ADNP: variants seen among roughly 807,000 people sequenced by gnomAD.
ADNP encodes activity dependent neuroprotector homeobox.
Under a neutral mutation model 84.9 loss-of-function variants are expected in ADNP, and 4 were observed. The observed-to-expected ratio is 0.05, with a 90% confidence interval of 0.02 to 0.11. The LOEUF is 0.11. ADNP is among the 10% of genes least tolerant of loss of function. The pLI, the probability that ADNP is intolerant of heterozygous loss-of-function variation, is 1.00. For synonymous variants in ADNP, 554 were observed against 468.1 expected (o/e 1.18, Z -2.37); for missense variants, 1,132 against 1,326.0 (o/e 0.85, Z 2.27).
chr20:50,905,887 C>T (rs763945019), intron 2 of ADNP, among the ~76,000 whole-genome samples: 47 of 152,086 alleles, frequency 3.1e-4, no homozygotes, highest in Non-Finnish European at 6.5e-4. Context: ...GGCTTAAAAC[C>T]AGCAAATTCT....
chr20:50,925,261 T>TACACAC (rs1292426786), intron 2 of ADNP, among the ~76,000 whole-genome samples: 6 of 82,606 alleles, frequency 7.3e-5, no homozygotes, highest in African/African-American at 3.6e-4. Flanking sequence ...TGTGACTTCC[T>TACACAC]ATACACACAC....
rs920983850 is a variant in ADNP at position 50,890,150 on chromosome 20, A to C, written c.*1255T>G. ...TTCAGTTAAAAAAAAAAAAAAAAAA[A>C]AAAAAAAAAAAGAAAAACAGATTTT... On this transcript the variant is annotated 3_prime_UTR_variant, in exon 6 of 6. Coordinates refer to ENST00000621696, the MANE Select transcript of ADNP (RefSeq NM_001282531.3). 9.9e-5 allele frequency: 26 copies of C among 261,708 alleles called. 2 individuals are homozygous for C. Among genetic ancestry groups the C allele is most frequent in the East Asian group, 7.3e-4 (12 of 16,456 alleles). 16.2% of individuals were successfully genotyped at this position (261,708 alleles called of 1,614,324 possible).
intron 2 of ADNP, among the ~76,000 whole-genome samples, chr20:50,925,942 A>G (rs1984261853): frequency 6.6e-6 from 1 of 152,238 alleles, no homozygotes; most frequent in African/African-American, 2.4e-5. Flanking sequence ...CTCTACTAAA[A>G]ATACAAAAAT....
At chr20:50,911,838 C>T (rs1983069940) in intron 2 of ADNP, among the ~76,000 whole-genome samples, 1 of 151,784 alleles carries the variant, frequency 6.6e-6, no homozygotes. Context: ...CACAGATAAG[C>T]CAGAAGAAAA....
In ADNP at chr20:50,925,771, G is replaced by T. The variant is rs568334503; in HGVS notation, c.-90+2880C>A. Among the ~76,000 whole-genome samples the T allele has an allele frequency of 2.6e-5, 4 of 152,142 alleles. No homozygotes were observed. In the East Asian group the frequency reaches 5.8e-4, roughly 22 times the overall value. On this transcript the variant is annotated intron_variant, in intron 2 of 5. Transcript: ENST00000621696. ...GCAGTGAGGTACATCAGCAAAATAC[G>T]GCATTTACTCCAGTTACTATCACAA...
At chr20:50,897,097 C>A (rs931087061) in intron 5 of ADNP, among the ~76,000 whole-genome samples, 2 of 152,142 alleles carry the variant, frequency 1.3e-5, no homozygotes, top group African/African-American at 2.4e-5. Flanking sequence ...CACCACCACG[C>A]CCGGCTAATT....
At chr20:50,921,914 C>T (rs975370918) in intron 2 of ADNP, among the ~76,000 whole-genome samples, 5 of 152,024 alleles carry the variant, frequency 3.3e-5, no homozygotes, top group African/African-American at 1.2e-4. Flanking sequence ...GGAGCACTTC[C>T]CAGTTTACTT....
chr20:50,891,560 C>CA lies in ADNP; in HGVS notation c.3153dup (p.Glu1052Ter). On this transcript the variant is annotated frameshift_variant, in exon 6 of 6. Coordinates refer to ENST00000621696, the MANE Select transcript of ADNP (RefSeq NM_001282531.3). LOFTEE classifies it high-confidence loss of function. The stretch of plus-strand genomic sequence containing the variant: ...GGGTTAGATAAGCGCTCATCATTCT[C>CA]AGATGCATTCTTCCACTGTGACTGG... 6.2e-7 allele frequency: 1 copy of CA among 1,612,476 alleles called. No individual in the cohort carries two copies. The highest frequency in any genetic ancestry group is 8.5e-7 in the Non-Finnish European group (1 of 1,180,032).
intron 2 of ADNP, chr20:50,914,107 G>T: frequency 1.3e-6 from 1 of 755,396 alleles, no homozygotes; most frequent in Non-Finnish European, 2.4e-6. Context: ...GTTACTAGAA[G>T]GTGGGGCTAA....
At chr20:50,916,976 A>G (rs986047401) in intron 2 of ADNP, among the ~76,000 whole-genome samples, 1 of 152,204 alleles carries the variant, frequency 6.6e-6, no homozygotes, top group Non-Finnish European at 1.5e-5. Flanking sequence ...GTTATGAAAA[A>G]GCAGCACTCT....
At chr20:50,895,761 T>G (rs916391269) in intron 5 of ADNP, among the ~76,000 whole-genome samples, 4 of 152,200 alleles carry the variant, frequency 2.6e-5, no homozygotes, top group Non-Finnish European at 5.9e-5. Flanking sequence ...CTTGAACTCC[T>G]GGGCTCGAGC....
At chr20:50,909,689 G>A (rs74485052) in intron 2 of ADNP, 10,852 of 152,236 alleles carry the variant, frequency 0.071, 591 homozygotes, top group Non-Finnish European at 0.11. Flanking sequence ...TGCCTGCCCA[G>A]CCTCCTCTTG....
intron 2 of ADNP, among the ~76,000 whole-genome samples, chr20:50,926,771 T>C (rs928621712): frequency 6.6e-6 from 1 of 152,230 alleles, no homozygotes; most frequent in Non-Finnish European, 1.5e-5. Flanking sequence ...GTTACTTATA[T>C]ATGATTCTCA....
In ADNP at chr20:50,892,051, T is replaced by C. The variant is rs769505609; in HGVS notation, c.2663A>G (p.Glu888Gly). ...AACAGGGTCAAAAGGGCTACCACTT[T>C]CATTGGATTCTTCTTCCAAATTTTC... ...SFENLEEESN[E>G]SGSPFDPVFE... Residue 888 changes from glutamate to glycine, a missense_variant, in exon 6 of 6, where the codon GAA becomes GGA. Transcript: ENST00000621696. 6.2e-7 allele frequency: 1 copy of C among 1,614,198 alleles called. No homozygotes were observed. Among genetic ancestry groups the C allele is most frequent in the South Asian group, 1.1e-5 (1 of 91,080 alleles).
Position 50,889,220 on chromosome 20 carries a change from C to A in ADNP, c.*2185G>T, listed in dbSNP as rs762740924. 1 of 152,238 alleles carries A rather than the reference C, an allele frequency of 6.6e-6. No homozygotes were observed. The highest frequency in any genetic ancestry group is 1.5e-5 in the Non-Finnish European group (1 of 68,058). 9.4% of individuals were successfully genotyped at this position (152,238 alleles called of 1,614,324 possible). The stretch of plus-strand genomic sequence containing the variant: ...TATCTGTGTCTGTTCCGATATCCAA[C>A]TGGGACCTGGACCCCAAGCCCCGTG... On this transcript the variant is annotated 3_prime_UTR_variant, in exon 6 of 6. Coordinates refer to ENST00000621696, the MANE Select transcript of ADNP (RefSeq NM_001282531.3).
intron 2 of ADNP, among the ~76,000 whole-genome samples, chr20:50,913,006 G>A (rs956603104): frequency 1.8e-4 from 27 of 151,840 alleles, no homozygotes; most frequent in African/African-American, 6.5e-4. Context: ...AATCCCAGCA[G>A]TTTGGGAGGC....
chr20:50,891,908 A>C lies in ADNP; in HGVS notation c.2806T>G (p.Tyr936Asp), dbSNP rs1290016595. 1 of 1,614,178 alleles carries C rather than the reference A, an allele frequency of 6.2e-7. No individual in the cohort carries two copies. The highest frequency in any genetic ancestry group is 1.3e-5 in the African/African-American group (1 of 75,044). Residue 936 changes from tyrosine (Y) to aspartate (D), a missense_variant, in exon 6 of 6, where the codon TAC becomes GAC. By Grantham distance (160) the Tyr-to-Asp change is radical. This residue lies in a region of ADNP where 381 missense variants were observed against 319.9 expected (regional missense o/e 1.19). Coordinates refer to ENST00000621696, the MANE Select transcript of ADNP (RefSeq NM_001282531.3). ...TCCTCAGTCAAATGAATAGTTTCGT[A>C]TTTTGAACCATCCTCTTTTTGGTCT... The part of the protein sequence containing the change: ...KLDQKEDGSK[Y>D]ETIHLTEEPT...
At chr20:50,904,630 A>T (rs368519858) in intron 3 of ADNP, 136 bp downstream of exon 3, 2 of 152,256 alleles carry the variant, frequency 1.3e-5, no homozygotes, top group African/African-American at 4.8e-5. Context: ...CATAATTCTG[A>T]TAAGACTTAA....
chr20:50,927,586 G>A (rs1207345983), intron 2 of ADNP, among the ~76,000 whole-genome samples: 1 of 150,842 alleles, frequency 6.6e-6, no homozygotes, highest in African/African-American at 2.4e-5. Flanking sequence ...GGTAGAGACA[G>A]GGTCTCATTA....
Sources: gnomAD v4.1 joint callset for allele counts (sites outside exome capture counted in the v4.1 genomes callset) on GRCh38, gnomAD v4.1.1 for gene constraint, gnomAD v4.1.1 regional missense constraint, MANE v1.5 for transcripts, NCBI Gene and HGNC (gene_info 2026-07-23, HGNC 2026-07-21) for gene names.